Variants in RALYL observed in about 807,000 individuals in gnomAD.
RALYL encodes the protein RNA-binding Raly-like protein.
In RALYL, 29 loss-of-function variants were observed where a neutral mutation model predicts 35.1. That is an observed-to-expected ratio of 0.83 (90% confidence interval 0.61 to 1.13). The LOEUF (loss-of-function observed/expected upper bound fraction) is 1.13, where lower values mean the gene tolerates loss of function less well. Ranked by LOEUF, RALYL falls within the 50% of genes most tolerant of loss-of-function variation. The probability of loss-of-function intolerance (pLI) is 0.00; values close to 1 mark genes in which losing one functional copy is unlikely to be tolerated. For missense variants in RALYL, 359 were observed against 360.4 expected, an observed-to-expected ratio of 1.00 and a Z score of 0.03; for synonymous variants, 120 against 127.6, an observed-to-expected ratio of 0.94 and a Z score of 0.40.
intron 1 of RALYL, among the ~76,000 whole-genome samples, chr8:84,254,331 C>T (rs904128298): frequency 2.0e-5 from 3 of 152,088 alleles, no homozygotes. Context: ...ACCACTCTAA[C>T]TGAAGCAATT....
Position 84,366,573 on chromosome 8 carries a change from G to A in RALYL, c.-23-162726G>A, listed in dbSNP as rs543728423. Among the ~76,000 whole-genome samples the A allele has an allele frequency of 1.1e-3, 164 of 151,864 alleles. 1 individual carries two copies. The highest frequency in any genetic ancestry group is 3.7e-3 in the African/African-American group (155 of 41,450). Reference sequence around the variant, plus strand: ...GGGCAGATCATGAGGTCAGGGGATCGAGACCATCCTGGCCAACATGGTCAA... The same window carrying A: ...GGGCAGATCATGAGGTCAGGGGATCAAGACCATCCTGGCCAACATGGTCAA... On this transcript the variant is annotated intron_variant, in intron 1 of 8. Coordinates refer to ENST00000521268, the MANE Select transcript of RALYL (RefSeq NM_173848.7).
chr8:84,643,797 A>G (rs1184740384), intron 2 of RALYL, among the ~76,000 whole-genome samples: 3 of 152,054 alleles, frequency 2.0e-5, no homozygotes, highest in Non-Finnish European at 4.4e-5. Flanking sequence ...CGTTAGGGAT[A>G]GGGGTTTAAA....
chr8:84,394,921 G>A (rs1022823431), intron 1 of RALYL, among the ~76,000 whole-genome samples: 1 of 151,690 alleles, frequency 6.6e-6, no homozygotes, highest in Admixed American at 6.6e-5. Flanking sequence ...ATAAAGTGAA[G>A]TTCATTTACT....
intron 5 of RALYL, among the ~76,000 whole-genome samples, chr8:84,850,240 G>A (rs1249819464): frequency 6.6e-6 from 1 of 152,028 alleles, no homozygotes; most frequent in Non-Finnish European, 1.5e-5. Context: ...GGACTTTGGA[G>A]GTGCTCAAAC....
At chr8:84,905,637 G>T (rs1467509191) in intron 8 of RALYL, among the ~76,000 whole-genome samples, 2 of 151,340 alleles carry the variant, frequency 1.3e-5, no homozygotes, top group Non-Finnish European at 2.9e-5. Context: ...ATGAATTTTT[G>T]GATTCCTGAC....
At chr8:84,596,816 C>G (rs983910334) in intron 2 of RALYL, among the ~76,000 whole-genome samples, 1 of 151,938 alleles carries the variant, frequency 6.6e-6, no homozygotes, top group African/African-American at 2.4e-5. Flanking sequence ...CATTGATTTT[C>G]TTTGATTTGC....
chr8:84,418,188 G>C (rs2044960280), intron 1 of RALYL, among the ~76,000 whole-genome samples: 2 of 152,064 alleles, frequency 1.3e-5, no homozygotes, highest in African/African-American at 4.8e-5. Context: ...AAAAATATGG[G>C]GTCAGAATGG....
At chr8:84,467,253 C>A (rs937434200) in intron 1 of RALYL, among the ~76,000 whole-genome samples, 3 of 151,954 alleles carry the variant, frequency 2.0e-5, no homozygotes, top group Non-Finnish European at 4.4e-5. Flanking sequence ...AGTTTTGGAT[C>A]TTTCCTGCTT....
chr8:84,234,718 C>CTT (rs1298131577), intron 1 of RALYL, among the ~76,000 whole-genome samples: 1 of 152,032 alleles, frequency 6.6e-6, no homozygotes, highest in Non-Finnish European at 1.5e-5. Flanking sequence ...GGACATGCAA[C>CTT]TTTACTTCAT....
In RALYL at chr8:84,580,497, C is replaced by T. The variant is rs758083004; in HGVS notation, c.256+50920C>T. Among the ~76,000 whole-genome samples, 6 of 152,192 alleles carry T rather than the reference C, an allele frequency of 3.9e-5. No homozygotes were observed. The South Asian group carries it at 6.2e-4, about 16-fold the overall frequency. On this transcript the variant is annotated intron_variant, in intron 2 of 8. Transcript: ENST00000521268. ...GTGCCAGGCTATTTTAAACAACCAG[C>T]TCTTATGGTTACTAATACAGCAAGA...
At chr8:84,228,748 C>T (rs1462157027) in intron 1 of RALYL, among the ~76,000 whole-genome samples, 1 of 152,088 alleles carries the variant, frequency 6.6e-6, no homozygotes, top group Non-Finnish European at 1.5e-5. Context: ...GCTTGGGAGG[C>T]CTCAGGACAC....
chr8:84,911,913 T>C (rs1054656260), intron 8 of RALYL, among the ~76,000 whole-genome samples: 1 of 152,048 alleles, frequency 6.6e-6, no homozygotes, highest in Non-Finnish European at 1.5e-5. Context: ...CTGGAAGGGT[T>C]TTGAGCACAG....
Position 84,887,701 on chromosome 8 carries a change from A to T in RALYL, c.783A>T (p.Gly261=). The part of the protein sequence containing the change: ...ADHSTEEPAE[G]GPDADGEEMT... ...ACTCTACAGAGGAGCCTGCTGAAGGAGGGCCAGATGCCGATGGAGAAGAGA... is the reference window on the plus strand; with the variant it reads ...ACTCTACAGAGGAGCCTGCTGAAGGTGGGCCAGATGCCGATGGAGAAGAGA... Residue 261 remains glycine (G), a synonymous_variant, in exon 8 of 9, where the codon GGA becomes GGT. Coordinates refer to ENST00000521268, the MANE Select transcript of RALYL (RefSeq NM_173848.7). The T allele has an allele frequency of 6.2e-7, 1 of 1,613,898 alleles. No homozygotes were observed. Among genetic ancestry groups the T allele is most frequent in the Non-Finnish European group, 8.5e-7 (1 of 1,179,826 alleles).
chr8:84,317,621 A>G (rs978645059), intron 1 of RALYL, among the ~76,000 whole-genome samples: 3 of 152,254 alleles, frequency 2.0e-5, no homozygotes, highest in Admixed American at 1.3e-4. Flanking sequence ...TGATTAGCTT[A>G]GTTAAGCACA....
chr8:84,298,590 A>T (rs1840200976), intron 1 of RALYL, among the ~76,000 whole-genome samples: 1 of 152,146 alleles, frequency 6.6e-6, no homozygotes, highest in African/African-American at 2.4e-5. Context: ...AATTCAGTGA[A>T]AAATGTCATT....
At chr8:84,765,008 TTTTTG>T (rs1328877680) in intron 2 of RALYL, among the ~76,000 whole-genome samples, 1 of 152,166 alleles carries the variant, frequency 6.6e-6, no homozygotes, top group African/African-American at 2.4e-5. Context: ...TTTGTGGGTT[TTTTTG>T]TTTTGTTTTG....
At chr8:84,304,843 C>T (rs73296727) in intron 1 of RALYL, among the ~76,000 whole-genome samples, 6,962 of 152,218 alleles carry the variant, frequency 0.046, 520 homozygotes, top group African/African-American at 0.15. Flanking sequence ...GAGATATGTA[C>T]ATTGAGATAA....
intron 1 of RALYL, among the ~76,000 whole-genome samples, chr8:84,392,549 G>A (rs1365821436): frequency 2.0e-5 from 3 of 152,028 alleles, no homozygotes; most frequent in Admixed American, 2.0e-4. Flanking sequence ...TCTGTATGTG[G>A]AATTTTAGAA....
At chr8:84,546,216 C>T (rs1383788757) in intron 2 of RALYL, among the ~76,000 whole-genome samples, 1 of 152,122 alleles carries the variant, frequency 6.6e-6, no homozygotes, top group Non-Finnish European at 1.5e-5. Flanking sequence ...GCCTCAACTT[C>T]CCGGGCTCAA....
Sources: gnomAD v4.1 joint callset for allele counts (sites outside exome capture counted in the v4.1 genomes callset) on GRCh38, gnomAD v4.1.1 for gene constraint, MANE v1.5 for transcripts, NCBI Gene and HGNC (gene_info 2026-07-23, HGNC 2026-07-21) for gene names.